Variants in THOC1 observed in about 807,000 individuals in gnomAD.
The protein encoded by THOC1 is THO complex subunit 1.
A neutral mutation model predicts 97.3 loss-of-function variants in THOC1; 29 were observed. That is an observed-to-expected ratio of 0.30 (90% CI 0.22 to 0.41). The LOEUF is 0.41. THOC1 is among the 10% of genes least tolerant of loss of function. The pLI is 1.00. For synonymous variants in THOC1, 255 were observed against 257.0 expected, an observed-to-expected ratio of 0.99 and a Z score of 0.07; for missense variants, 529 against 761.9, an observed-to-expected ratio of 0.69 and a Z score of 3.60.
At chr18:259,510 G>A (rs532377823) in intron 6 of THOC1, among the ~76,000 whole-genome samples, 172 bp downstream of exon 6, 1 of 152,000 alleles carries the variant, frequency 6.6e-6, no homozygotes, top group Non-Finnish European at 1.5e-5. Context: ...CTTATGCCCA[G>A]AACAAAAACA....
In THOC1 at chr18:224,071, C is replaced by G. The variant is rs1158256167; in HGVS notation, c.1304+13G>C. 1.9e-6 allele frequency: 3 copies of G among 1,556,036 alleles called. No homozygotes were observed. The highest frequency in any genetic ancestry group is 2.7e-5 in the African/African-American group (2 of 73,876). ...TAACTAAGAACATCCCACATGAAGA[C>G]AAATTCACCTACTTTCCCATCAGAA... On this transcript the variant is annotated intron_variant, in intron 16 of 20. Transcript: ENST00000261600.
intron 17 of THOC1, among the ~76,000 whole-genome samples, chr18:221,815 A>G (rs933473501): frequency 1.4e-4 from 22 of 152,134 alleles, no homozygotes; most frequent in South Asian, 6.2e-4. Context: ...TCACCGTGTT[A>G]GCCACGATGG....
At chr18:255,351 G>C (rs1912404346) in intron 7 of THOC1, among the ~76,000 whole-genome samples, 1 of 152,202 alleles carries the variant, frequency 6.6e-6, no homozygotes, top group Admixed American at 6.5e-5. Flanking sequence ...AAGTTCTTGA[G>C]GGAAGTTAAA....
intron 1 of THOC1, among the ~76,000 whole-genome samples, chr18:267,036 T>TATAA (rs1491152939): frequency 7.0e-6 from 1 of 142,424 alleles, no homozygotes; most frequent in Non-Finnish European, 1.5e-5. Context: ...TATATATATA[T>TATAA]AACCCTGCAA....
Position 226,788 on chromosome 18 carries a change from C to T in THOC1, c.1019+13G>A, listed in dbSNP as rs766170176. 44 of 1,582,840 alleles carry T rather than the reference C, an allele frequency of 2.8e-5. No individual in the cohort carries two copies. Among genetic ancestry groups the T allele is most frequent in the Admixed American group, 6.9e-5 (4 of 57,692 alleles). ...TACTGTTTACAAATTGTTTACTACC[C>T]ATATTATCTTACCTTTTGAATTTGA... On this transcript the variant is annotated intron_variant, in intron 12 of 20. Transcript: ENST00000261600.
intron 11 of THOC1, among the ~76,000 whole-genome samples, chr18:236,416 C>T (rs1484602215): frequency 2.9e-5 from 4 of 139,196 alleles, no homozygotes; most frequent in Non-Finnish European, 3.0e-5. Context: ...AGTGCAGTGG[C>T]GCGATCTCGG....
chr18:221,804 T>G (rs1484530066), intron 17 of THOC1, among the ~76,000 whole-genome samples: 2 of 152,074 alleles, frequency 1.3e-5, no homozygotes, highest in African/African-American at 2.4e-5. Flanking sequence ...GAGACGGGGT[T>G]TCACCGTGTT....
chr18:264,342 A>G (rs148282763), intron 3 of THOC1, among the ~76,000 whole-genome samples: 1 of 152,262 alleles, frequency 6.6e-6, no homozygotes, highest in Non-Finnish European at 1.5e-5. Context: ...GAAAATGGTT[A>G]TATTAGCAAG....
At chr18:215,294 T>A (rs561795450) in intron 20 of THOC1, 135 bp downstream of exon 20, 57 of 713,274 alleles carry the variant, frequency 8.0e-5, no homozygotes, top group Non-Finnish European at 1.2e-4. Flanking sequence ...TGTTTTAAAT[T>A]CCTCACTATG....
intron 3 of THOC1, 60 bp downstream of exon 3, chr18:265,243 T>C: frequency 7.1e-7 from 1 of 1,403,732 alleles, no homozygotes; most frequent in Non-Finnish European, 9.6e-7. Flanking sequence ...AAAGCAATTT[T>C]TAAATAACAT....
intron 15 of THOC1, among the ~76,000 whole-genome samples, chr18:224,676 T>C (rs571190567): frequency 2.4e-4 from 37 of 151,372 alleles, no homozygotes; most frequent in Non-Finnish European, 4.9e-4. Context: ...ACGGAGTAGA[T>C]ATACAGTATT....
chr18:260,287 T>C lies in THOC1; in HGVS notation c.274A>G (p.Thr92Ala). Residue 92 changes from threonine (T) to alanine (A), a missense_variant, in exon 5 of 21, where the codon ACA becomes GCA. By Grantham distance (58) the Thr-to-Ala change is moderately conservative. Coordinates refer to ENST00000261600, the MANE Select transcript of THOC1 (RefSeq NM_005131.3). The stretch of plus-strand genomic sequence containing the variant: ...ACATCTCCCAACAATACAAAAGGTG[T>C]AGATGCGGTACAAATACCTTCAAGT... ...GVTEGICTAS[T>A]PFVLLGDVLD... The C allele has an allele frequency of 6.3e-7, 1 of 1,581,190 alleles. No individual in the cohort carries two copies.
intron 3 of THOC1, chr18:264,980 C>T (rs755389745): frequency 2.9e-5 from 6 of 208,568 alleles, no homozygotes; most frequent in Middle Eastern, 1.6e-3. Flanking sequence ...AGACCTTTTG[C>T]GCCACTACAG....
At position 214,909 on chromosome 18, in the gene THOC1, C is replaced by G. The variant is rs988418371; in HGVS notation, c.1691G>C (p.Arg564Pro). ...TTCTCCTGTTACAGGTTTGTCTCGCCGAACATCAGGACCTAGAAAATGAAG... is the reference window on the plus strand; with the variant it reads ...TTCTCCTGTTACAGGTTTGTCTCGCGGAACATCAGGACCTAGAAAATGAAG... ...LLKENESPDV[R>P]RDKPVTGEQI... The change falls in exon 21 of 21, where the codon CGG (arginine) becomes CCG (proline). Residue 564 changes from arginine (R) to proline (P), a missense_variant. By Grantham distance (103) the Arg-to-Pro change is moderately radical. Transcript: ENST00000261600. The G allele has an allele frequency of 2.5e-6, 4 of 1,613,532 alleles. No individual in the cohort carries two copies. The African/African-American group carries it at 5.3e-5, about 22-fold the overall frequency.
rs759934263 is a variant in THOC1 at position 268,012 on chromosome 18, G to C, written c.8C>G (p.Pro3Arg). Residue 3 changes from proline to arginine, a missense_variant, in exon 1 of 21, where the codon CCG becomes CGG. Coordinates refer to ENST00000261600, the MANE Select transcript of THOC1 (RefSeq NM_005131.3). Reference protein sequence around the residue: MSPTPPLFSLPEA... With the variant: MSRTPPLFSLPEA... ...GGGCAAACTGAAGAGCGGCGGCGTC[G>C]GAGACATCTTCTCGGCTGCGCGTGC... 6.2e-6 allele frequency: 10 copies of C among 1,605,466 alleles called. No homozygotes were observed. Among genetic ancestry groups the C allele is most frequent in the Non-Finnish European group, 7.7e-6 (9 of 1,176,230 alleles).
intron 20 of THOC1, 71 bp from the exon 21 acceptor site, chr18:214,992 AATAAGTTTT>A: frequency 7.0e-7 from 1 of 1,421,890 alleles, no homozygotes; most frequent in Non-Finnish European, 9.6e-7. Flanking sequence ...CTATGGGGCC[AATAAGTTTT>A]ATTAACCACC....
At chr18:263,090 T>C (rs539339902) in intron 4 of THOC1, among the ~76,000 whole-genome samples, 13 of 151,326 alleles carry the variant, frequency 8.6e-5, no homozygotes, top group African/African-American at 2.9e-4. Flanking sequence ...GCAGCTGCTC[T>C]TTTTTTTTGA....
At position 225,588 on chromosome 18, in the gene THOC1, G is replaced by A. The variant is rs549511155; in HGVS notation, c.1020-185C>T. On this transcript the variant is annotated intron_variant, in intron 12 of 20. Transcript: ENST00000261600. ...ATTCTTGCACTTCTTCCTCAAGAGG[G>A]TTGGTACTGAAGACATAAAAGCATA... is the stretch of plus-strand genomic sequence containing the variant. 5 of 585,088 alleles carry A rather than the reference G, an allele frequency of 8.5e-6. No individual in the cohort carries two copies. In the African/African-American group the frequency reaches 9.4e-5, roughly 11 times the overall value. 36.2% of individuals were successfully genotyped at this position (585,088 alleles called of 1,614,324 possible). A position where few individuals can be genotyped will look rare whatever the true frequency, so the allele number is the denominator to read the frequency against.
intron 4 of THOC1, chr18:263,818 G>C: frequency 2.3e-6 from 1 of 442,250 alleles, no homozygotes; most frequent in East Asian, 3.7e-5. Context: ...GGAGAACAAA[G>C]GAAGTGCCAA....
Sources: gnomAD v4.1 joint callset for allele counts (sites outside exome capture counted in the v4.1 genomes callset) on GRCh38, gnomAD v4.1.1 for gene constraint, MANE v1.5 for transcripts, NCBI Gene and HGNC (gene_info 2026-07-23, HGNC 2026-07-21) for gene names.